The following PANK1 variants were observed in gnomAD, a reference collection of about 807,000 sequenced individuals.
PANK1 encodes pantothenic acid kinase 1.
A neutral mutation model predicts 40.1 loss-of-function variants in PANK1; 18 were observed. That is an observed-to-expected ratio of 0.45 (90% CI 0.31 to 0.67). The LOEUF is 0.67. PANK1 is among the 30% of genes least tolerant of loss of function. The probability of loss-of-function intolerance (pLI) is 0.06; values close to 1 mark genes in which losing one functional copy is unlikely to be tolerated. For missense variants in PANK1, 457 were observed against 599.6 expected (o/e 0.76, Z 2.48); for synonymous variants, 242 against 237.7 (o/e 1.02, Z -0.17).
At chr10:89,637,967 C>T (rs1429541027) in intron 1 of PANK1, among the ~76,000 whole-genome samples, 1 of 151,204 alleles carries the variant, frequency 6.6e-6, no homozygotes, top group Non-Finnish European at 1.5e-5. Context: ...TTGTTAAAAA[C>T]AAAGATGCAA....
chr10:89,610,331 C>G (rs1845114503), intron 2 of PANK1, among the ~76,000 whole-genome samples: 1 of 152,096 alleles, frequency 6.6e-6, no homozygotes, highest in Admixed American at 6.6e-5. Flanking sequence ...AGTTCTCAAG[C>G]CCATGGATCT....
intron 5 of PANK1, among the ~76,000 whole-genome samples, chr10:89,590,335 ATAATAT>A (rs1844342547): frequency 6.6e-6 from 1 of 152,166 alleles, no homozygotes; most frequent in African/African-American, 2.4e-5. Context: ...TAATGAGTAA[ATAATAT>A]TAATAGTTAA....
Position 89,644,592 on chromosome 10 carries a change from G to T in PANK1, c.292+8C>A. 6.3e-7 allele frequency: 1 copy of T among 1,586,252 alleles called. No individual in the cohort carries two copies. Among genetic ancestry groups the T allele is most frequent in the Non-Finnish European group, 8.5e-7 (1 of 1,171,350 alleles). On this transcript the variant is annotated splice_region_variant and intron_variant, in intron 1 of 6. Transcript: ENST00000307534. ...TTGCGCCCGCGCTCCCCTCCCAGCGGGACTTACGCGGCCTGTTCTTTCTCC... is the reference window on the plus strand; with the variant it reads ...TTGCGCCCGCGCTCCCCTCCCAGCGTGACTTACGCGGCCTGTTCTTTCTCC...
At chr10:89,635,852 A>G (rs1026795213) in intron 1 of PANK1, among the ~76,000 whole-genome samples, 9 of 152,260 alleles carry the variant, frequency 5.9e-5, no homozygotes, top group Non-Finnish European at 1.2e-4. Context: ...GCAAGAAGAA[A>G]GGGATAGTCT....
chr10:89,609,660 TTC>T (rs1380600994), intron 2 of PANK1, among the ~76,000 whole-genome samples: 3 of 152,236 alleles, frequency 2.0e-5, no homozygotes, highest in African/African-American at 7.2e-5. Flanking sequence ...TCATAGACTC[TTC>T]TTTCACAGAT....
intron 1 of PANK1, among the ~76,000 whole-genome samples, chr10:89,613,358 T>C (rs1399014038): frequency 6.6e-6 from 1 of 152,230 alleles, no homozygotes; most frequent in Non-Finnish European, 1.5e-5. Context: ...CTTGTCAAAT[T>C]GTCCACACTG....
intron 1 of PANK1, among the ~76,000 whole-genome samples, chr10:89,628,662 T>C (rs767377381): frequency 6.6e-6 from 1 of 152,216 alleles, no homozygotes; most frequent in South Asian, 2.1e-4. Context: ...ATGAAATACA[T>C]GGTGAATGTG....
rs1844273076 is a variant in PANK1 at position 89,588,548 on chromosome 10, C to G, written c.1326+104G>C. On this transcript the variant is annotated intron_variant, in intron 6 of 6. Coordinates refer to ENST00000307534, the MANE Select transcript of PANK1 (RefSeq NM_148977.3). Reference sequence around the variant, plus strand: ...TGTAAATGCAAAGTGTAAATGGCAACTTTTCTACTTGACCAATTTAAAAAG... The same window carrying G: ...TGTAAATGCAAAGTGTAAATGGCAAGTTTTCTACTTGACCAATTTAAAAAG... The G allele has an allele frequency of 4.6e-6, 4 of 871,122 alleles. No individual in the cohort carries two copies. The South Asian group carries it at 1.2e-4, about 26-fold the overall frequency. The allele number at this position is 871,122 out of a possible 1,614,324, so 54.0% of individuals were successfully genotyped here.
At chr10:89,641,958 T>C in intron 1 of PANK1, among the ~76,000 whole-genome samples, 1 of 152,098 alleles carries the variant, frequency 6.6e-6, no homozygotes, top group African/African-American at 2.4e-5. Flanking sequence ...GTTCAAGATG[T>C]GACTTGGTAA....
intron 1 of PANK1, among the ~76,000 whole-genome samples, chr10:89,639,531 C>A (rs1841913053): frequency 6.6e-6 from 1 of 152,170 alleles, no homozygotes; most frequent in South Asian, 2.1e-4. Context: ...GATAAGATGG[C>A]CACCATTATC....
chr10:89,640,500 C>A (rs1056519014), intron 1 of PANK1, among the ~76,000 whole-genome samples: 1 of 152,112 alleles, frequency 6.6e-6, no homozygotes, highest in Non-Finnish European at 1.5e-5. Flanking sequence ...GACAGCTGCA[C>A]TATCTAGAGA....
Position 89,584,512 on chromosome 10 carries a change from T to C in PANK1, c.1327-47A>G, listed in dbSNP as rs766532286. 37 of 1,254,266 alleles carry C rather than the reference T, an allele frequency of 2.9e-5. No individual in the cohort carries two copies. The East Asian group carries it at 7.4e-4, about 25-fold the overall frequency. The allele number at this position is 1,254,266 out of a possible 1,614,324, so 77.7% of individuals were successfully genotyped here. ...ATGATCTCTGAACCTTAGCCAAATA[T>C]GTATTGTTTTTAATAATTCTAGGAA... is the stretch of plus-strand genomic sequence containing the variant. On this transcript the variant is annotated intron_variant, in intron 6 of 6. Coordinates refer to ENST00000307534, the MANE Select transcript of PANK1 (RefSeq NM_148977.3).
At chr10:89,626,906 A>G (rs1376282080) in intron 1 of PANK1, among the ~76,000 whole-genome samples, 2 of 152,200 alleles carry the variant, frequency 1.3e-5, no homozygotes, top group Non-Finnish European at 2.9e-5. Context: ...TGCATACTCT[A>G]AGGATACTGT....
chr10:89,614,826 G>A (rs530956048), intron 1 of PANK1, among the ~76,000 whole-genome samples: 1 of 152,094 alleles, frequency 6.6e-6, no homozygotes, highest in South Asian at 2.1e-4. Context: ...ATGTATTCCA[G>A]CAGGCTAGAA....
chr10:89,621,304 T>TTA (rs1845478195), intron 1 of PANK1, among the ~76,000 whole-genome samples: 1 of 146,906 alleles, frequency 6.8e-6, no homozygotes, highest in African/African-American at 2.5e-5. Context: ...CTCTGTCTCA[T>TTA]AAAAAAAAAA....
At chr10:89,594,080 A>G in intron 3 of PANK1, 91 bp from the exon 4 acceptor site, 1 of 862,596 alleles carries the variant, frequency 1.2e-6, no homozygotes, top group Non-Finnish European at 1.9e-6. Context: ...ATATGGGTGA[A>G]TAAAAGCAGA....
intron 5 of PANK1, among the ~76,000 whole-genome samples, chr10:89,591,679 C>A (rs1444712764): frequency 1.3e-5 from 2 of 152,224 alleles, no homozygotes; most frequent in African/African-American, 4.8e-5. Flanking sequence ...TTCACTCATT[C>A]AGCCCCACAG....
chr10:89,595,327 T>G (rs984731857), intron 3 of PANK1, among the ~76,000 whole-genome samples: 1 of 151,864 alleles, frequency 6.6e-6, no homozygotes, highest in East Asian at 1.9e-4. Flanking sequence ...GGCTGACACC[T>G]GTAATCCAAG....
intron 1 of PANK1, among the ~76,000 whole-genome samples, chr10:89,638,064 TTATG>T (rs1841873769): frequency 6.6e-6 from 1 of 152,244 alleles, no homozygotes; most frequent in Non-Finnish European, 1.5e-5. Flanking sequence ...CTAGAAGGTA[TTATG>T]TATTATACAT....
Sources: allele counts gnomAD v4.1 joint callset (sites outside exome capture counted in the v4.1 genomes callset), GRCh38; gene constraint gnomAD v4.1.1; transcripts MANE v1.5; gene names NCBI Gene and HGNC (gene_info 2026-07-23, HGNC 2026-07-21).